The following UGGT2 variants were observed in gnomAD, a reference collection of about 807,000 sequenced individuals.
UGGT2 encodes the protein UDP-glucose glycoprotein glucosyltransferase 2, also known as UDP-glucose:glycoprotein glucosyltransferase 2.
UGGT2 carries 180 observed loss-of-function variants against 192.1 expected under a neutral mutation model. The observed-to-expected ratio is 0.94, with a 90% CI of 0.83 to 1.06. UGGT2 has a LOEUF of 1.06. Among genes scored for constraint, UGGT2 ranks in the 50% least tolerant of loss-of-function variants. The probability of loss-of-function intolerance (pLI) is 0.00; values close to 1 mark genes in which losing one functional copy is unlikely to be tolerated. For missense variants in UGGT2, 1,849 were observed against 1,795.7 expected (o/e 1.03, Z -0.54); for synonymous variants, 580 against 591.0 (o/e 0.98, Z 0.27).
chr13:96,007,686 G>C (rs978990347), intron 5 of UGGT2, among the ~76,000 whole-genome samples: 1 of 151,948 alleles, frequency 6.6e-6, no homozygotes, highest in African/African-American at 2.4e-5. Context: ...TGTTACAACA[G>C]TTACAAATAA....
chr13:96,035,953 T>C (rs1217320255), intron 1 of UGGT2, among the ~76,000 whole-genome samples: 1 of 152,222 alleles, frequency 6.6e-6, no homozygotes, highest in Non-Finnish European at 1.5e-5. Context: ...TCTACACTGT[T>C]GGTGGGAACG....
chr13:95,873,248 A>G (rs1891370101), intron 29 of UGGT2, among the ~76,000 whole-genome samples: 1 of 152,238 alleles, frequency 6.6e-6, no homozygotes, highest in Non-Finnish European at 1.5e-5. Flanking sequence ...GTCAATATAA[A>G]TGTTACAGCC....
chr13:95,846,152 C>G (rs531604890), intron 36 of UGGT2, among the ~76,000 whole-genome samples: 3 of 152,184 alleles, frequency 2.0e-5, no homozygotes, highest in Admixed American at 6.5e-5. Context: ...ACTGAGTGAA[C>G]GAGACTCCGT....
At chr13:96,013,955 T>C (rs931535886) in intron 4 of UGGT2, among the ~76,000 whole-genome samples, 5 of 152,142 alleles carry the variant, frequency 3.3e-5, no homozygotes, top group African/African-American at 1.2e-4. Context: ...TGGTCTAGCA[T>C]TATCATCAGA....
At chr13:95,885,365 T>C (rs2047615548) in intron 26 of UGGT2, among the ~76,000 whole-genome samples, 1 of 152,210 alleles carries the variant, frequency 6.6e-6, no homozygotes, top group African/African-American at 2.4e-5. Flanking sequence ...GTTCTTCTAG[T>C]TCCCCAAGGG....
At chr13:95,969,746 C>T (rs1028924826) in intron 12 of UGGT2, among the ~76,000 whole-genome samples, 1 of 152,140 alleles carries the variant, frequency 6.6e-6, no homozygotes, top group African/African-American at 2.4e-5. Context: ...CTTTGGAGGC[C>T]GCTGCAAATT....
intron 20 of UGGT2, among the ~76,000 whole-genome samples, chr13:95,905,936 T>C (rs1172298460): frequency 6.6e-6 from 1 of 152,206 alleles, no homozygotes; most frequent in East Asian, 1.9e-4. Context: ...TACTGTTCCA[T>C]AAAGCCAACT....
At chr13:95,903,678 T>G (rs2048180805) in intron 20 of UGGT2, among the ~76,000 whole-genome samples, 1 of 152,212 alleles carries the variant, frequency 6.6e-6, no homozygotes, top group African/African-American at 2.4e-5. Flanking sequence ...CTGTACAGAA[T>G]TCCATCATAT....
rs545116812 is a variant in UGGT2, at chr13:95,917,639, C to T, written c.2295+8041G>A. Among the ~76,000 whole-genome samples, 9 of 152,186 alleles carry T rather than the reference C, an allele frequency of 5.9e-5. No individual in the cohort carries two copies. The South Asian group carries it at 1.9e-3, about 32-fold the overall frequency. ...TGGCAAGCTGGATAAAGAGTGGAGA[C>T]CCATCAACACGCTGTCTTCAAGAGA... is the stretch of plus-strand genomic sequence containing the variant. On this transcript the variant is annotated intron_variant, in intron 20 of 38. Coordinates refer to ENST00000376747, the MANE Select transcript of UGGT2 (RefSeq NM_020121.4).
At chr13:95,843,786 G>A (rs887252991) in intron 36 of UGGT2, among the ~76,000 whole-genome samples, 1 of 151,950 alleles carries the variant, frequency 6.6e-6, no homozygotes, top group Non-Finnish European at 1.5e-5. Context: ...CATATATGGG[G>A]TCTATTTCTG....
chr13:95,946,714 TTAAA>T (rs1428708058), intron 15 of UGGT2, among the ~76,000 whole-genome samples: 2 of 152,202 alleles, frequency 1.3e-5, no homozygotes, highest in African/African-American at 4.8e-5. Context: ...GAATTTTTTC[TTAAA>T]TAATCATTTT....
chr13:95,976,314 C>T (rs1049290900), intron 10 of UGGT2, among the ~76,000 whole-genome samples: 2 of 152,158 alleles, frequency 1.3e-5, no homozygotes, highest in Non-Finnish European at 2.9e-5. Context: ...TTTATCCACC[C>T]ATCCATTAAT....
At position 96,050,298 on chromosome 13, in the gene UGGT2, TC is replaced by T. The variant is rs540069233; in HGVS notation, c.158+2856del. Among the ~76,000 whole-genome samples the T allele has an allele frequency of 6.6e-5, 10 of 152,252 alleles. No homozygotes were observed. In the East Asian group the frequency reaches 1.7e-3, roughly 26 times the overall value. ...CCATATGTAGAAAGCTGAAACTGGA[TC>T]CCTTCCTTACACCTTATACAAAAAT... On this transcript the variant is annotated intron_variant, in intron 1 of 38. Transcript: ENST00000376747.
chr13:95,956,115 TAAA>T (rs1566753017), intron 12 of UGGT2, among the ~76,000 whole-genome samples: 1 of 152,132 alleles, frequency 6.6e-6, no homozygotes, highest in East Asian at 1.9e-4. Flanking sequence ...ACAATCTTGA[TAAA>T]GAAGTATAAA....
At chr13:96,047,173 C>T (rs1233901973) in intron 1 of UGGT2, among the ~76,000 whole-genome samples, 2 of 152,350 alleles carry the variant, frequency 1.3e-5, no homozygotes, top group East Asian at 3.9e-4. Context: ...ACTGCCTCCT[C>T]AAGTGGATCC....
Position 95,848,288 on chromosome 13 carries a change from G to A in UGGT2, c.4284+5255C>T, listed in dbSNP as rs181599579. 1.5e-3 allele frequency among the ~76,000 whole-genome samples: 224 copies of A among 152,242 alleles called. 2 individuals carry two copies. Among genetic ancestry groups the A allele is most frequent in the Non-Finnish European group, 5.9e-4 (40 of 68,004 alleles). On this transcript the variant is annotated intron_variant, in intron 36 of 38. Transcript: ENST00000376747. The stretch of plus-strand genomic sequence containing the variant: ...TGTTATTGTCTTTTGCAGAGCAGAA[G>A]TTTTTAATTTCAGTGAAGTCCAGCT...
chr13:96,017,768 T>C (rs1336777895), intron 4 of UGGT2, among the ~76,000 whole-genome samples: 3 of 152,208 alleles, frequency 2.0e-5, no homozygotes, highest in Non-Finnish European at 4.4e-5. Context: ...CCCTTTCTAC[T>C]TTGCATTTTT....
intron 12 of UGGT2, among the ~76,000 whole-genome samples, chr13:95,964,321 G>A (rs979924183): frequency 9.9e-5 from 15 of 152,100 alleles, no homozygotes; most frequent in Non-Finnish European, 1.9e-4. Context: ...ATCAACTCAA[G>A]ATGGATTAAA....
At chr13:95,978,268 GA>G (rs1348412964) in intron 10 of UGGT2, among the ~76,000 whole-genome samples, 1 of 152,166 alleles carries the variant, frequency 6.6e-6, no homozygotes, top group Non-Finnish European at 1.5e-5. Flanking sequence ...TTGTGGTTTT[GA>G]TTTGCATTTC....
Sources: gnomAD v4.1 joint callset for allele counts (sites outside exome capture counted in the v4.1 genomes callset) on GRCh38, gnomAD v4.1.1 for gene constraint, MANE v1.5 for transcripts, NCBI Gene and HGNC (gene_info 2026-07-23, HGNC 2026-07-21) for gene names.